Variants in PCDH15 observed in about 807,000 individuals in gnomAD.
The protein encoded by PCDH15 is protocadherin-15.
A neutral mutation model predicts 178.5 loss-of-function variants in PCDH15; 129 were observed. That is an observed-to-expected ratio of 0.72 (90% CI 0.63 to 0.84). PCDH15 has a LOEUF of 0.84. Ranked by LOEUF, PCDH15 falls within the 40% of genes least tolerant of loss-of-function variation. The pLI is 0.00. For synonymous variants in PCDH15, 800 were observed against 732.0 expected, an observed-to-expected ratio of 1.09 and a Z score of -1.50; for missense variants, 2,230 against 2,099.9, an observed-to-expected ratio of 1.06 and a Z score of -1.21.
chr10:54,753,281 T>C (rs945523), intron 1 of PCDH15, among the ~76,000 whole-genome samples: 1 of 151,400 alleles, frequency 6.6e-6, no homozygotes, highest in Non-Finnish European at 1.5e-5. Flanking sequence ...CCTCCCAGGT[T>C]CAAGTGATTC....
chr10:54,652,753 C>G (rs2094290923), intron 2 of PCDH15, among the ~76,000 whole-genome samples: 2 of 152,090 alleles, frequency 1.3e-5, no homozygotes, highest in Non-Finnish European at 2.9e-5. Flanking sequence ...AGGCAACCAG[C>G]TCAACTAGTA....
chr10:54,416,181 T>C (rs527347686), intron 3 of PCDH15, among the ~76,000 whole-genome samples: 1 of 152,182 alleles, frequency 6.6e-6, no homozygotes, highest in East Asian at 1.9e-4. Flanking sequence ...AGTTCTGGGA[T>C]ACATGTGCAA....
Position 54,200,292 on chromosome 10 carries a change from T to C in PCDH15, c.1099-4403A>G, listed in dbSNP as rs11004131. ...CACTTTTTTTTTTTTTTTTTTTTTGTATTTTAAATTCTGGGATACATGTGC... is the reference window on the plus strand; with the variant it reads ...CACTTTTTTTTTTTTTTTTTTTTTGCATTTTAAATTCTGGGATACATGTGC... On this transcript the variant is annotated intron_variant, in intron 10 of 37. Transcript: ENST00000644397. Among the ~76,000 whole-genome samples the C allele has an allele frequency of 3.0e-5, 4 of 132,968 alleles. No individual in the cohort carries two copies. In the East Asian group the frequency reaches 9.0e-4, roughly 30 times the overall value. The allele number at this position is 132,968 out of a possible 152,430, so 87.2% of individuals were successfully genotyped here. A position where few individuals can be genotyped will look rare whatever the true frequency, so the allele number is the denominator to read the frequency against.
At chr10:53,900,207 C>T (rs1482624182) in intron 26 of PCDH15, among the ~76,000 whole-genome samples, 1 of 67,488 alleles carries the variant, frequency 1.5e-5, no homozygotes, top group Non-Finnish European at 2.7e-5. Context: ...TCTCTCTAAA[C>T]TTTCTCTCTC....
chr10:54,027,685 T>A (rs1376182422), intron 18 of PCDH15, among the ~76,000 whole-genome samples: 1 of 145,414 alleles, frequency 6.9e-6, no homozygotes, highest in Admixed American at 6.9e-5. Flanking sequence ...AAACAAGCAA[T>A]GGGGAAAGGA....
intron 1 of PCDH15, among the ~76,000 whole-genome samples, chr10:55,266,610 C>A (rs74139507): frequency 6.6e-6 from 1 of 152,098 alleles, no homozygotes; most frequent in Non-Finnish European, 1.5e-5. Flanking sequence ...GAGACCCTTG[C>A]GGGCAGAGAT....
chr10:55,149,122 T>C (rs1838611642), intron 2 of PCDH15, among the ~76,000 whole-genome samples: 1 of 151,354 alleles, frequency 6.6e-6, no homozygotes, highest in Non-Finnish European at 1.5e-5. Context: ...ATAAGCAATA[T>C]TGCTTAAACA....
At chr10:55,200,992 A>G (rs1268645698) in intron 1 of PCDH15, among the ~76,000 whole-genome samples, 6 of 152,106 alleles carry the variant, frequency 3.9e-5, no homozygotes. Context: ...TAGCAACATG[A>G]AAACAGACTA....
intron 3 of PCDH15, among the ~76,000 whole-genome samples, chr10:54,887,139 T>G (rs781011038): frequency 3.3e-5 from 5 of 152,138 alleles, no homozygotes; most frequent in African/African-American, 1.2e-4. Context: ...GAAAGTCAAT[T>G]AGGGCACCAC....
chr10:54,617,163 G>T (rs2093189913), intron 2 of PCDH15, among the ~76,000 whole-genome samples: 1 of 151,450 alleles, frequency 6.6e-6, no homozygotes, highest in Non-Finnish European at 1.5e-5. Context: ...CCCAAATGCT[G>T]GGATTACAGG....
intron 3 of PCDH15, among the ~76,000 whole-genome samples, chr10:54,416,241 C>A (rs986559740): frequency 6.6e-6 from 1 of 152,064 alleles, no homozygotes; most frequent in Non-Finnish European, 1.5e-5. Flanking sequence ...TGGTTTGCTG[C>A]ACCTATTGAC....
chr10:55,564,548 C>G (rs1004822409), intron 2 of PCDH15, among the ~76,000 whole-genome samples: 1 of 151,642 alleles, frequency 6.6e-6, no homozygotes, highest in Non-Finnish European at 1.5e-5. Context: ...CAAAGCCCTT[C>G]AAACAAAAGA....
At chr10:55,015,478 T>C (rs1840150325) in intron 2 of PCDH15, among the ~76,000 whole-genome samples, 1 of 152,134 alleles carries the variant, frequency 6.6e-6, no homozygotes, top group African/African-American at 2.4e-5. Flanking sequence ...GTTTGAGTAC[T>C]GAGCGCTGTT....
At chr10:54,930,377 G>A (rs7099859) in intron 2 of PCDH15, among the ~76,000 whole-genome samples, 37,464 of 151,942 alleles carry the variant, frequency 0.25, 5,419 homozygotes, top group Non-Finnish European at 0.33. Context: ...CCTCTCTTTC[G>A]CAGGAGACAG....
chr10:54,398,461 G>T (rs566997438), intron 3 of PCDH15, among the ~76,000 whole-genome samples: 2 of 151,962 alleles, frequency 1.3e-5, no homozygotes, highest in East Asian at 3.9e-4. Context: ...TAACAAAATT[G>T]TCCTAACAAT....
At chr10:53,936,739 AAAG>A (rs1239409943) in intron 25 of PCDH15, among the ~76,000 whole-genome samples, 10 of 152,300 alleles carry the variant, frequency 6.6e-5, no homozygotes, top group Admixed American at 3.9e-4. Context: ...AATTTTTGGT[AAAG>A]AAGTCACAAT....
rs1842611842 is a variant in PCDH15, at chr10:55,103,244, T to C, written c.-80+63332A>G. On this transcript the variant is annotated intron_variant, in intron 2 of 5. Coordinates refer to the PCDH15 transcript ENST00000458638. ...TCATAAAAGGAGTCAAAAGCAGTGT[T>C]GAATAATTGGAACACTTCTGCCATT... Among the ~76,000 whole-genome samples the C allele has an allele frequency of 2.0e-5, 3 of 152,200 alleles. No homozygotes were observed. In the South Asian group the frequency reaches 6.2e-4, roughly 32 times the overall value.
chr10:55,371,634 G>T (rs527855151), intron 2 of PCDH15, among the ~76,000 whole-genome samples: 1 of 151,908 alleles, frequency 6.6e-6, no homozygotes. Context: ...TCTCTCCCAT[G>T]GTAAAGACAT....
At chr10:55,077,722 T>C (rs1248237928) in intron 2 of PCDH15, among the ~76,000 whole-genome samples, 1 of 152,088 alleles carries the variant, frequency 6.6e-6, no homozygotes, top group East Asian at 1.9e-4. Context: ...ACTTTTTGTA[T>C]TTTTAGTGGA....
Sources: allele counts gnomAD v4.1 joint callset (sites outside exome capture counted in the v4.1 genomes callset), GRCh38; gene constraint gnomAD v4.1.1; transcripts MANE v1.5; gene names NCBI Gene and HGNC (gene_info 2026-07-23, HGNC 2026-07-21).